Variants in DMXL2 observed in about 807,000 individuals in gnomAD.
DMXL2 encodes dmX-like protein 2.
A neutral mutation model predicts 331.1 loss-of-function variants in DMXL2; 103 were observed. The ratio of observed to expected loss-of-function variants is 0.31; its 90% confidence interval spans 0.27 to 0.37. DMXL2 has a LOEUF of 0.37. Among genes scored for constraint, DMXL2 ranks in the 10% least tolerant of loss-of-function variants. The probability of loss-of-function intolerance (pLI) is 1.00; values close to 1 mark genes in which losing one functional copy is unlikely to be tolerated. For synonymous variants in DMXL2, 1,281 were observed against 1,252.1 expected (o/e 1.02, Z -0.49); for missense variants, 3,171 against 3,642.9 (o/e 0.87, Z 3.33).
At chr15:51,483,113 C>T (rs2042135494) in intron 23 of DMXL2, among the ~76,000 whole-genome samples, 1 of 152,178 alleles carries the variant, frequency 6.6e-6, no homozygotes, top group Non-Finnish European at 1.5e-5. Context: ...CATCTACAGT[C>T]CTTACAACAG....
chr15:51,521,789 T>G (rs1567063534), intron 13 of DMXL2, among the ~76,000 whole-genome samples: 1 of 152,210 alleles, frequency 6.6e-6, no homozygotes, highest in East Asian at 1.9e-4. Context: ...CTACTTCTAT[T>G]CATTTTAACA....
chr15:51,550,474 T>A (rs1419711216), intron 6 of DMXL2, among the ~76,000 whole-genome samples: 1 of 152,142 alleles, frequency 6.6e-6, no homozygotes, highest in Non-Finnish European at 1.5e-5. Context: ...AACATATCCA[T>A]CACCTCAAAT....
intron 42 of DMXL2, 85 bp downstream of exon 42, chr15:51,451,560 T>C (rs1595866324): frequency 1.9e-6 from 2 of 1,031,708 alleles, no homozygotes; most frequent in East Asian, 5.0e-5. Flanking sequence ...CTCACTGGAT[T>C]CACTAATTAA....
chr15:51,553,586 C>T (rs902872741), intron 6 of DMXL2, among the ~76,000 whole-genome samples: 1 of 152,136 alleles, frequency 6.6e-6, no homozygotes, highest in African/African-American at 2.4e-5. Context: ...CTCTGCCACC[C>T]AAGACAGCAA....
rs925079738 is a variant in DMXL2, at chr15:51,467,790, G to A, written c.7393-1479C>T. ...TGCCCAGGCTAGAGCGCAGTGGCAC[G>A]ATCTTGGCTCACTGCAAGCTCCGCC... On this transcript the variant is annotated intron_variant, in intron 29 of 43. Transcript: ENST00000560891. Among the ~76,000 whole-genome samples, 10 of 150,552 alleles carry A rather than the reference G, an allele frequency of 6.6e-5. No homozygotes were observed. In the East Asian group the frequency reaches 9.8e-4, roughly 15 times the overall value.
chr15:51,555,976 T>A (rs1174840184), intron 6 of DMXL2, among the ~76,000 whole-genome samples: 1 of 152,172 alleles, frequency 6.6e-6, no homozygotes, highest in Non-Finnish European at 1.5e-5. Flanking sequence ...AACATAAAAA[T>A]CTGTCAAGGA....
Position 51,486,227 on chromosome 15 carries a change from A to T in DMXL2, c.5328T>A (p.Ile1776=), listed in dbSNP as rs911815194. ...CTGAGCCATCCTTTTGGCAACCCAAAATCTTCTGATTTAGGATGGATATAT... is the reference window on the plus strand; with the variant it reads ...CTGAGCCATCCTTTTGGCAACCCAATATCTTCTGATTTAGGATGGATATAT... The part of the protein sequence containing the change: ...STYISILNQK[I]LGCQKDGSGF... Residue 1776 remains isoleucine, a synonymous_variant, in exon 23 of 44, where the codon ATT becomes ATA. Transcript: ENST00000560891. 1 of 1,614,072 alleles carries T rather than the reference A, an allele frequency of 6.2e-7. No homozygotes were observed. Among genetic ancestry groups the T allele is most frequent in the Non-Finnish European group, 8.5e-7 (1 of 1,179,946 alleles).
In DMXL2 at chr15:51,566,231, GGGTGT is replaced by G. The variant is rs1567126524; in HGVS notation, c.286-1070_286-1066del. Among the ~76,000 whole-genome samples, 416 of 94,700 alleles carry G rather than the reference GGGTGT, an allele frequency of 4.4e-3. 3 individuals are homozygous for G. The highest frequency in any genetic ancestry group is 0.016 in the African/African-American group (389 of 24,884). 62.1% of individuals were successfully genotyped at this position (94,700 alleles called of 152,430 possible). ...TATATCTAAAAAAAATGTGTGTGTG[GGGTGT>G]GTGTGTGTGTGTGTGTGTGTGTGTG... On this transcript the variant is annotated intron_variant, in intron 3 of 43. Transcript: ENST00000560891.
chr15:51,477,915 ATTAG>A (rs906582285), intron 26 of DMXL2, among the ~76,000 whole-genome samples: 4 of 152,040 alleles, frequency 2.6e-5, no homozygotes, highest in Admixed American at 1.3e-4. Context: ...TCAATGGATA[ATTAG>A]TTAAATAGCT....
At chr15:51,616,948 A>AC (rs1247058833) in intron 1 of DMXL2, among the ~76,000 whole-genome samples, 1 of 151,454 alleles carries the variant, frequency 6.6e-6, no homozygotes, top group Non-Finnish European at 1.5e-5. Context: ...AAAAAAAAAA[A>AC]AAAAAAAAAA....
rs201115157 is a variant in DMXL2 at position 51,495,073 on chromosome 15, G to A, written c.4734C>T (p.Cys1578=). ...RYLLAMRLHT[C]LLTSLPPLYR... ...ATAAAGGAGGCAGCGATGTCAAAAG[G>A]CATGTGTGTAGGCGCATAGCTAACA... Residue 1578 remains cysteine, a synonymous_variant, in exon 19 of 44, where the codon TGC becomes TGT. Coordinates refer to ENST00000560891, the MANE Select transcript of DMXL2 (RefSeq NM_001378457.1). The A allele has an allele frequency of 6.2e-7, 1 of 1,613,450 alleles. No individual in the cohort carries two copies. The highest frequency in any genetic ancestry group is 8.5e-7 in the Non-Finnish European group (1 of 1,179,502).
chr15:51,591,146 C>G (rs1243862510), intron 1 of DMXL2, among the ~76,000 whole-genome samples: 1 of 152,210 alleles, frequency 6.6e-6, no homozygotes, highest in East Asian at 1.9e-4. Context: ...TCGCCTCACC[C>G]AGGAAGCGCA....
At chr15:51,609,069 C>T (rs950755199) in intron 1 of DMXL2, among the ~76,000 whole-genome samples, 3 of 147,124 alleles carry the variant, frequency 2.0e-5, no homozygotes, top group African/African-American at 7.5e-5. Context: ...GAATGTAAAC[C>T]CTCATAAGGC....
intron 9 of DMXL2, among the ~76,000 whole-genome samples, chr15:51,539,135 G>A (rs143483866): frequency 0.016 from 2,431 of 151,790 alleles, 38 homozygotes; most frequent in East Asian, 0.023. Context: ...GCTTGAACCC[G>A]GGAGGTAGAG....
intron 29 of DMXL2, among the ~76,000 whole-genome samples, chr15:51,468,493 C>A (rs1296907908): frequency 1.3e-5 from 2 of 152,090 alleles, no homozygotes; most frequent in African/African-American, 2.4e-5. Flanking sequence ...AAGCTGAAAG[C>A]AAAACAAAAC....
chr15:51,471,701 T>C (rs1469547611), intron 28 of DMXL2, among the ~76,000 whole-genome samples: 1 of 152,324 alleles, frequency 6.6e-6, no homozygotes, highest in Non-Finnish European at 1.5e-5. Context: ...AAGTGAGTGA[T>C]TGACTGATTA....
At chr15:51,543,977 G>A (rs2048749579) in intron 8 of DMXL2, among the ~76,000 whole-genome samples, 1 of 152,146 alleles carries the variant, frequency 6.6e-6, no homozygotes, top group South Asian at 2.1e-4. Context: ...GTATAAGTAA[G>A]TGATCACAAA....
chr15:51,575,578 C>T (rs2050969727), intron 2 of DMXL2, among the ~76,000 whole-genome samples: 1 of 152,064 alleles, frequency 6.6e-6, no homozygotes. Flanking sequence ...CCTGAATGAA[C>T]CATAAGACTC....
At chr15:51,576,445 G>A (rs2051051161) in intron 1 of DMXL2, among the ~76,000 whole-genome samples, 1 of 152,130 alleles carries the variant, frequency 6.6e-6, no homozygotes, top group Non-Finnish European at 1.5e-5. Context: ...AACAGCCACT[G>A]TTCCTGCAGG....
Sources: allele counts gnomAD v4.1 joint callset (sites outside exome capture counted in the v4.1 genomes callset), GRCh38; gene constraint gnomAD v4.1.1; transcripts MANE v1.5; gene names NCBI Gene and HGNC (gene_info 2026-07-23, HGNC 2026-07-21).